The following EIF4B variants were observed in gnomAD, a reference collection of about 807,000 sequenced individuals.
EIF4B encodes eukaryotic translation initiation factor 4B.
EIF4B carries 8 observed loss-of-function variants against 79.3 expected under a neutral mutation model. That is an observed-to-expected ratio of 0.10 (90% CI 0.06 to 0.18). The LOEUF (loss-of-function observed/expected upper bound fraction) is 0.18, where lower values mean the gene tolerates loss of function less well. Ranked by LOEUF, EIF4B falls within the 10% of genes least tolerant of loss-of-function variation. The pLI is 1.00. For synonymous variants in EIF4B, 238 were observed against 274.7 expected (o/e 0.87, Z 1.32); for missense variants, 515 against 792.4 (o/e 0.65, Z 4.20).
chr12:53,023,070 G>A (rs1202435412), intron 6 of EIF4B, among the ~76,000 whole-genome samples: 2 of 152,052 alleles, frequency 1.3e-5, no homozygotes, highest in Non-Finnish European at 2.9e-5. Flanking sequence ...GCTGAGGCAA[G>A]AGGACTCCTT....
intron 6 of EIF4B, among the ~76,000 whole-genome samples, chr12:53,024,421 A>G (rs1280117401): frequency 6.6e-6 from 1 of 152,230 alleles, no homozygotes; most frequent in East Asian, 1.9e-4. Flanking sequence ...GTAAAATTAT[A>G]AAGCTACGCA....
At chr12:53,021,597 C>T (rs955311806) in intron 4 of EIF4B, 1 of 657,396 alleles carries the variant, frequency 1.5e-6, no homozygotes, top group Non-Finnish European at 2.8e-6. Flanking sequence ...GTATAATTGA[C>T]CTAATATTCA....
intron 6 of EIF4B, among the ~76,000 whole-genome samples, chr12:53,024,462 T>C (rs1459196626): frequency 2.0e-5 from 3 of 152,150 alleles, no homozygotes; most frequent in Non-Finnish European, 4.4e-5. Context: ...TAATTGTTGG[T>C]GGGGATAGGG....
intron 11 of EIF4B, 63 bp from the exon 12 acceptor site, chr12:53,038,293 A>T: frequency 6.9e-7 from 1 of 1,457,852 alleles, no homozygotes; most frequent in Middle Eastern, 1.8e-4. Flanking sequence ...GAGGATGATT[A>T]TGTTTCTTGG....
intron 2 of EIF4B, 35 bp downstream of exon 2, chr12:53,016,645 T>G (rs138149960): frequency 6.5e-7 from 1 of 1,536,738 alleles, no homozygotes; most frequent in Non-Finnish European, 8.7e-7. Flanking sequence ...TTGGAATGTT[T>G]ATTATTTTCT....
chr12:53,022,012 G>A, intron 5 of EIF4B, 152 bp downstream of exon 5: 1 of 854,976 alleles, frequency 1.2e-6, no homozygotes, highest in Non-Finnish European at 1.9e-6. Context: ...GGGACTTCTG[G>A]CAATGTTTGA....
chr12:53,029,654 A>G (rs7967789), intron 8 of EIF4B, among the ~76,000 whole-genome samples: 138,792 of 152,174 alleles, frequency 0.91, 63,893 homozygotes, highest in East Asian at 1. Flanking sequence ...GATTACAGGC[A>G]TGAGCCACCG....
chr12:53,008,775 G>C (rs1023859105), intron 1 of EIF4B: 1 of 152,214 alleles, frequency 6.6e-6, no homozygotes, highest in South Asian at 2.1e-4. Flanking sequence ...GGTGGCTCAC[G>C]CCTGTAATCC....
At chr12:53,023,741 G>T (rs1219161188) in intron 6 of EIF4B, among the ~76,000 whole-genome samples, 1 of 151,254 alleles carries the variant, frequency 6.6e-6, no homozygotes, top group Non-Finnish European at 1.5e-5. Context: ...GTGCCACCAT[G>T]CCTGGCTAAT....
At chr12:53,008,289 G>T (rs1408701563) in intron 1 of EIF4B, among the ~76,000 whole-genome samples, 3 of 152,188 alleles carry the variant, frequency 2.0e-5, no homozygotes, top group African/African-American at 4.8e-5. Context: ...TTACTCTGAC[G>T]TCCCATTCTC....
At chr12:53,023,909 T>C (rs1343924002) in intron 6 of EIF4B, among the ~76,000 whole-genome samples, 2 of 152,194 alleles carry the variant, frequency 1.3e-5, no homozygotes, top group African/African-American at 4.8e-5. Context: ...AAAATAAAAA[T>C]ATTGATTCAC....
intron 1 of EIF4B, chr12:53,013,467 T>G (rs575733417): frequency 6.6e-6 from 1 of 152,334 alleles, no homozygotes; most frequent in African/African-American, 2.4e-5. Flanking sequence ...CTTACTCGTG[T>G]TCGCTTATTA....
At chr12:53,008,904 G>C (rs1345331166) in intron 1 of EIF4B, among the ~76,000 whole-genome samples, 2 of 151,888 alleles carry the variant, frequency 1.3e-5, no homozygotes, top group Non-Finnish European at 2.9e-5. Flanking sequence ...GCGTGGTGTC[G>C]CGTGCTTGTA....
rs1943623729 is a variant in EIF4B at position 53,040,847 on chromosome 12, A to AT, written c.*625dup. 6.6e-6 allele frequency: 1 copy of AT among 151,854 alleles called. No homozygotes were observed. The highest frequency in any genetic ancestry group is 1.5e-5 in the Non-Finnish European group (1 of 67,988). 9.4% of individuals were successfully genotyped at this position (151,854 alleles called of 1,614,324 possible). A position where few individuals can be genotyped will look rare whatever the true frequency, so the allele number is the denominator to read the frequency against. On this transcript the variant is annotated 3_prime_UTR_variant, in exon 15 of 15. Coordinates refer to ENST00000262056, the MANE Select transcript of EIF4B (RefSeq NM_001417.7). ...GGAGTGAGACTATAGGCCATAAAGA[A>AT]TGGGACTGCATTGGACCAAAATAAA...
At chr12:53,021,182 G>T (rs896567447) in intron 4 of EIF4B, among the ~76,000 whole-genome samples, 1 of 152,218 alleles carries the variant, frequency 6.6e-6, no homozygotes, top group African/African-American at 2.4e-5. Flanking sequence ...GGGTATCTCT[G>T]GAAGAACTGA....
rs1330768014 is a variant in EIF4B at position 53,018,921 on chromosome 12, A to G, written c.275A>G (p.Lys92Arg). 1 of 1,613,968 alleles carries G rather than the reference A, an allele frequency of 6.2e-7. No homozygotes were observed. Among genetic ancestry groups the G allele is most frequent in the East Asian group, 2.2e-5 (1 of 44,876 alleles). ...EPNIDRSRLP[K>R]SPPYTAFLGN... is the part of the protein sequence containing the mutation. ...AATATCGACCGGAGCCGTCTTCCCA[A>G]ATCGCCACCCTACACTGCTTTTCTA... is the stretch of plus-strand genomic sequence containing the variant. The change falls in exon 3 of 15, where the codon AAA becomes AGA. Residue 92 changes from lysine to arginine, a missense_variant. Physicochemically the swap from Lys to Arg is conservative, Grantham distance 26. Transcript: ENST00000262056.
At chr12:53,019,140 T>C (rs2120914501) in intron 3 of EIF4B, 134 bp downstream of exon 3, 1 of 1,106,306 alleles carries the variant, frequency 9.0e-7, no homozygotes, top group East Asian at 2.6e-5. Context: ...GGCTCACGCC[T>C]GTAATCCCAG....
chr12:53,021,768 G>A, intron 4 of EIF4B, 38 bp from the exon 5 acceptor site: 1 of 1,613,408 alleles, frequency 6.2e-7, no homozygotes, highest in Non-Finnish European at 8.5e-7. Context: ...TGTGCATAAT[G>A]GGGCAAAAGG....
intron 6 of EIF4B, among the ~76,000 whole-genome samples, chr12:53,022,999 C>CAAAAAG (rs966835270): frequency 6.6e-6 from 1 of 151,568 alleles, no homozygotes; most frequent in African/African-American, 2.4e-5. Context: ...CCCTGTCTAC[C>CAAAAAG]AAAAAGAAAA....
Sources: allele counts gnomAD v4.1 joint callset (sites outside exome capture counted in the v4.1 genomes callset), GRCh38; gene constraint gnomAD v4.1.1; transcripts MANE v1.5; gene names NCBI Gene and HGNC (gene_info 2026-07-23, HGNC 2026-07-21).